Variants in BMPR1B observed in about 807,000 individuals in gnomAD.
BMPR1B encodes the protein bone morphogenetic protein receptor type 1B.
A neutral mutation model predicts 59.1 loss-of-function variants in BMPR1B; 12 were observed. The observed-to-expected ratio is 0.20, with a 90% CI of 0.13 to 0.33. BMPR1B has a LOEUF of 0.33. Ranked by LOEUF, BMPR1B falls within the 10% of genes least tolerant of loss-of-function variation. BMPR1B has a pLI of 1.00. For missense variants in BMPR1B, 550 were observed against 610.9 expected, an observed-to-expected ratio of 0.90 and a Z score of 1.05; for synonymous variants, 237 against 207.3, an observed-to-expected ratio of 1.14 and a Z score of -1.23.
chr4:94,922,002 C>T (rs1355977149), intron 2 of BMPR1B, among the ~76,000 whole-genome samples: 1 of 151,966 alleles, frequency 6.6e-6, no homozygotes, highest in Non-Finnish European at 1.5e-5. Context: ...TGGGGAGGGG[C>T]AGAGCCTTGC....
At chr4:94,808,331 C>G (rs1385976178) in intron 1 of BMPR1B, among the ~76,000 whole-genome samples, 1 of 152,020 alleles carries the variant, frequency 6.6e-6, no homozygotes, top group Non-Finnish European at 1.5e-5. Flanking sequence ...ACCTTTTTCT[C>G]TATACATATT....
chr4:94,852,432 A>C (rs1725603254), intron 1 of BMPR1B, among the ~76,000 whole-genome samples: 2 of 150,084 alleles, frequency 1.3e-5, no homozygotes, highest in Non-Finnish European at 3.0e-5. Flanking sequence ...TTATAGATTA[A>C]AGAATCTAAA....
intron 1 of BMPR1B, among the ~76,000 whole-genome samples, chr4:94,763,639 G>A (rs1438485945): frequency 2.0e-5 from 3 of 152,154 alleles, no homozygotes; most frequent in African/African-American, 7.2e-5. Context: ...AAACATTTTA[G>A]TCATTTTTAT....
At position 94,844,223 on chromosome 4, in the gene BMPR1B, TTG is replaced by T. The variant is rs150471976; in HGVS notation, c.-182-31575_-182-31574del. ...GTAGCCATTCTATTCTGAATCATCT[TTG>T]TGTGTGTGTGTGTGTGTGTGTGTGT... is the stretch of plus-strand genomic sequence containing the variant. On this transcript the variant is annotated intron_variant, in intron 1 of 12. Coordinates refer to ENST00000515059, the MANE Select transcript of BMPR1B (RefSeq NM_001203.3). Among the ~76,000 whole-genome samples, 697 of 146,322 alleles carry T rather than the reference TTG, an allele frequency of 4.8e-3. 8 individuals carry two copies. The highest frequency in any genetic ancestry group is 0.029 in the South Asian group (133 of 4,562).
intron 1 of BMPR1B, among the ~76,000 whole-genome samples, chr4:94,866,395 C>G (rs952085984): frequency 1.3e-5 from 2 of 152,106 alleles, no homozygotes; most frequent in East Asian, 3.9e-4. Context: ...AAACAAGACT[C>G]TTTTCCAGTC....
chr4:95,001,624 A>T (rs890082990), intron 3 of BMPR1B, among the ~76,000 whole-genome samples: 3 of 152,168 alleles, frequency 2.0e-5, no homozygotes, highest in African/African-American at 7.2e-5. Flanking sequence ...TAGGATATAT[A>T]TGGCTACATT....
intron 2 of BMPR1B, among the ~76,000 whole-genome samples, chr4:94,988,827 G>A (rs1721564370): frequency 6.6e-6 from 1 of 151,852 alleles, no homozygotes; most frequent in Non-Finnish European, 1.5e-5. Flanking sequence ...TATGCCTAAT[G>A]GTAGGTCCCT....
chr4:94,988,553 C>T (rs756705424), intron 2 of BMPR1B, among the ~76,000 whole-genome samples: 2 of 152,136 alleles, frequency 1.3e-5, no homozygotes, highest in African/African-American at 4.8e-5. Flanking sequence ...AAGACCCATT[C>T]TTTGCTATGG....
chr4:94,963,671 G>C (rs1352492914), intron 2 of BMPR1B, among the ~76,000 whole-genome samples: 2 of 152,024 alleles, frequency 1.3e-5, no homozygotes, highest in Non-Finnish European at 2.9e-5. Context: ...AACTAGTTAT[G>C]GGTTCTCTGT....
chr4:95,060,884 C>G (rs1284944555), intron 3 of BMPR1B, among the ~76,000 whole-genome samples: 1 of 152,008 alleles, frequency 6.6e-6, no homozygotes, highest in Non-Finnish European at 1.5e-5. Context: ...TTCTTACTAC[C>G]TTAGTTTAAT....
At chr4:95,068,321 T>C (rs923008569) in intron 3 of BMPR1B, among the ~76,000 whole-genome samples, 2 of 152,208 alleles carry the variant, frequency 1.3e-5, no homozygotes, top group Non-Finnish European at 2.9e-5. Context: ...GTCTCTCACA[T>C]AATAGACATG....
chr4:94,788,094 A>C (rs1722830289), intron 1 of BMPR1B, among the ~76,000 whole-genome samples: 1 of 152,168 alleles, frequency 6.6e-6, no homozygotes, highest in Non-Finnish European at 1.5e-5. Context: ...ACAGTGACCC[A>C]CTTGTAGATT....
chr4:94,953,491 A>G (rs916513403), intron 2 of BMPR1B, among the ~76,000 whole-genome samples: 3 of 152,172 alleles, frequency 2.0e-5, no homozygotes, highest in South Asian at 4.1e-4. Flanking sequence ...GCTTGTGTAT[A>G]AAGGATTTTA....
At chr4:94,921,854 G>C (rs1728701512) in intron 2 of BMPR1B, among the ~76,000 whole-genome samples, 1 of 152,128 alleles carries the variant, frequency 6.6e-6, no homozygotes, top group East Asian at 1.9e-4. Flanking sequence ...TGGAGAAAGA[G>C]TCCTTTTTTT....
At chr4:94,860,470 G>A (rs1161809692) in intron 1 of BMPR1B, among the ~76,000 whole-genome samples, 2 of 152,110 alleles carry the variant, frequency 1.3e-5, no homozygotes, top group African/African-American at 4.8e-5. Flanking sequence ...TGGAAAAGCA[G>A]TTTTTATGTA....
intron 1 of BMPR1B, among the ~76,000 whole-genome samples, chr4:94,839,269 A>G (rs1438672431): frequency 9.6e-5 from 13 of 135,012 alleles, no homozygotes; most frequent in African/African-American, 2.8e-4. Flanking sequence ...GTAGATGTCT[A>G]TTAGGTCTGC....
intron 2 of BMPR1B, among the ~76,000 whole-genome samples, chr4:94,903,072 TGTTA>T (rs1334360730): frequency 2.0e-5 from 3 of 152,040 alleles, no homozygotes; most frequent in Admixed American, 6.6e-5. Context: ...TTTCATAGCC[TGTTA>T]GTTTATGTAT....
At chr4:95,045,166 C>T (rs1725947236) in intron 3 of BMPR1B, among the ~76,000 whole-genome samples, 1 of 152,078 alleles carries the variant, frequency 6.6e-6, no homozygotes. Context: ...GGGATGTTTA[C>T]ATGGTAAAGA....
At chr4:94,825,355 A>C (rs904892990) in intron 1 of BMPR1B, among the ~76,000 whole-genome samples, 2 of 151,918 alleles carry the variant, frequency 1.3e-5, no homozygotes, top group African/African-American at 2.4e-5. Flanking sequence ...ATTTTTAAAA[A>C]TTAGCTGAGC....
Sources: allele counts gnomAD v4.1 joint callset (sites outside exome capture counted in the v4.1 genomes callset), GRCh38; gene constraint gnomAD v4.1.1; transcripts MANE v1.5; gene names NCBI Gene and HGNC (gene_info 2026-07-23, HGNC 2026-07-21).